CDH13: variants seen among roughly 807,000 people sequenced by gnomAD.
The protein encoded by CDH13 is cadherin 13.
Under a neutral mutation model 63.8 loss-of-function variants are expected in CDH13, and 24 were observed. The observed-to-expected ratio is 0.38, with a 90% CI of 0.27 to 0.53. The LOEUF (loss-of-function observed/expected upper bound fraction) is 0.53. Among genes scored for constraint, CDH13 ranks in the 20% least tolerant of loss-of-function variants. The pLI, the probability that CDH13 is intolerant of heterozygous loss-of-function variation, is 0.85. For synonymous variants in CDH13, 503 were observed against 355.3 expected, an observed-to-expected ratio of 1.42 and a Z score of -4.67; for missense variants, 1,049 against 903.1, an observed-to-expected ratio of 1.16 and a Z score of -2.07.
chr16:83,095,549 A>C (rs1398742223), intron 3 of CDH13, among the ~76,000 whole-genome samples: 1 of 152,182 alleles, frequency 6.6e-6, no homozygotes, highest in South Asian at 2.1e-4. Context: ...TTATCTTTCT[A>C]TGATTTTTCT....
intron 11 of CDH13, among the ~76,000 whole-genome samples, chr16:83,774,446 C>T (rs1914969586): frequency 6.6e-6 from 1 of 152,064 alleles, no homozygotes; most frequent in African/African-American, 2.4e-5. Flanking sequence ...AGTCTCAGCT[C>T]ACTGCAACCT....
intron 2 of CDH13, among the ~76,000 whole-genome samples, chr16:83,030,249 C>G (rs1335377541): frequency 6.6e-6 from 1 of 152,192 alleles, no homozygotes; most frequent in African/African-American, 2.4e-5. Context: ...TGATGCAACA[C>G]TGAACTCGTT....
At chr16:83,268,610 A>G (rs1462797291) in intron 5 of CDH13, among the ~76,000 whole-genome samples, 3 of 152,222 alleles carry the variant, frequency 2.0e-5, no homozygotes, top group East Asian at 3.8e-4. Flanking sequence ...TGACAGCACA[A>G]GTGACATGAA....
intron 3 of CDH13, among the ~76,000 whole-genome samples, chr16:83,032,649 A>G (rs1916475200): frequency 6.6e-6 from 1 of 152,130 alleles, no homozygotes; most frequent in Non-Finnish European, 1.5e-5. Flanking sequence ...AGACGATGCT[A>G]GCAAAACCTT....
chr16:83,608,579 G>A (rs1908564288), intron 8 of CDH13, among the ~76,000 whole-genome samples: 1 of 151,980 alleles, frequency 6.6e-6, no homozygotes, highest in Non-Finnish European at 1.5e-5. Flanking sequence ...TCAAGCTCCT[G>A]GGCTCAGTCA....
At chr16:83,152,664 A>G (rs1477190869) in intron 4 of CDH13, among the ~76,000 whole-genome samples, 2 of 152,242 alleles carry the variant, frequency 1.3e-5, no homozygotes, top group African/African-American at 4.8e-5. Context: ...GACTATAGGC[A>G]AAAGCAGGAC....
chr16:82,826,391 T>G (rs1174728940), intron 1 of CDH13: 3 of 152,216 alleles, frequency 2.0e-5, no homozygotes, highest in Non-Finnish European at 4.4e-5. Flanking sequence ...AATGGTTGTG[T>G]GTTTTTTTAT....
intron 8 of CDH13, among the ~76,000 whole-genome samples, chr16:83,604,909 C>T (rs1455783385): frequency 1.3e-5 from 2 of 152,154 alleles, no homozygotes; most frequent in African/African-American, 4.8e-5. Context: ...GTGGACTAAA[C>T]ACTGTGAATG....
At chr16:83,006,438 C>G (rs964175671) in intron 2 of CDH13, among the ~76,000 whole-genome samples, 6 of 152,110 alleles carry the variant, frequency 3.9e-5, no homozygotes, top group African/African-American at 1.4e-4. Flanking sequence ...TAAAAAATGC[C>G]AAAGCTTGCC....
intron 2 of CDH13, among the ~76,000 whole-genome samples, chr16:82,899,261 A>C (rs1228210801): frequency 6.6e-6 from 1 of 152,196 alleles, no homozygotes; most frequent in Non-Finnish European, 1.5e-5. Flanking sequence ...GTGTCAAATG[A>C]GTATGTGTAA....
At chr16:82,710,033 A>T (rs965950753) in intron 1 of CDH13, among the ~76,000 whole-genome samples, 4 of 151,640 alleles carry the variant, frequency 2.6e-5, no homozygotes, top group Admixed American at 2.0e-4. Context: ...AGACTGCCTT[A>T]AATAAAAGTA....
rs374027191 is a variant in CDH13, at chr16:83,268,036, G to A, written c.636+50539G>A. On this transcript the variant is annotated intron_variant, in intron 5 of 13. Transcript: ENST00000567109. ...GGATACCTTCTTTGGCCACATGACT[G>A]TATGGGAAATGGTGGACACTGACAC... Among the ~76,000 whole-genome samples, 4 of 152,230 alleles carry A rather than the reference G, an allele frequency of 2.6e-5. No homozygotes were observed. In the East Asian group the frequency reaches 5.8e-4, roughly 22 times the overall value.
At chr16:83,035,511 T>G (rs1467625007) in intron 3 of CDH13, among the ~76,000 whole-genome samples, 1 of 152,102 alleles carries the variant, frequency 6.6e-6, no homozygotes, top group Non-Finnish European at 1.5e-5. Context: ...TTTACTGATT[T>G]TACTGATGGA....
At chr16:83,419,965 A>G (rs555769848) in intron 6 of CDH13, among the ~76,000 whole-genome samples, 1 of 150,804 alleles carries the variant, frequency 6.6e-6, no homozygotes, top group Admixed American at 6.6e-5. Context: ...TCTGAATACT[A>G]TATGCATAGA....
chr16:83,285,534 C>T (rs1044549942), intron 5 of CDH13, among the ~76,000 whole-genome samples: 2 of 151,896 alleles, frequency 1.3e-5, no homozygotes, highest in Non-Finnish European at 1.5e-5. Flanking sequence ...AAAAATAACA[C>T]CATAACCATA....
chr16:83,320,997 C>A (rs1285922440), intron 5 of CDH13, among the ~76,000 whole-genome samples: 1 of 152,170 alleles, frequency 6.6e-6, no homozygotes, highest in Non-Finnish European at 1.5e-5. Flanking sequence ...CTAAAGGAAA[C>A]TGAGACCATG....
intron 1 of CDH13, among the ~76,000 whole-genome samples, chr16:82,675,740 G>C (rs1229145798): frequency 6.6e-6 from 1 of 152,142 alleles, no homozygotes; most frequent in African/African-American, 2.4e-5. Flanking sequence ...TCAAGCTGAA[G>C]GTGGAATTTT....
intron 4 of CDH13, chr16:83,171,603 CTA>C: frequency 6.7e-7 from 1 of 1,497,266 alleles, no homozygotes; most frequent in South Asian, 1.2e-5. Flanking sequence ...ATCTGTGTCT[CTA>C]TCTTCATTTC....
chr16:82,747,866 T>G (rs777872787), intron 1 of CDH13, among the ~76,000 whole-genome samples: 1 of 152,162 alleles, frequency 6.6e-6, no homozygotes, highest in African/African-American at 2.4e-5. Flanking sequence ...TCCCCACAAG[T>G]GACAAAAGGC....
Sources: allele counts gnomAD v4.1 joint callset (sites outside exome capture counted in the v4.1 genomes callset), GRCh38; gene constraint gnomAD v4.1.1; transcripts MANE v1.5; gene names NCBI Gene and HGNC (gene_info 2026-07-23, HGNC 2026-07-21).